Variants in CORO7 observed in about 807,000 individuals in gnomAD.
CORO7 encodes the protein coronin 7, also known as coronin-7.
Under a neutral mutation model 126.6 loss-of-function variants are expected in CORO7, and 107 were observed. That is an observed-to-expected ratio of 0.85 (90% CI 0.72 to 0.99). CORO7 has a LOEUF of 0.99. Ranked by LOEUF, CORO7 falls within the 50% of genes least tolerant of loss-of-function variation. The pLI, the probability that CORO7 is intolerant of heterozygous loss-of-function variation, is 0.00. For synonymous variants in CORO7, 603 were observed against 536.8 expected (o/e 1.12, Z -1.70); for missense variants, 1,314 against 1,255.8 (o/e 1.05, Z -0.70).
At position 4,364,804 on chromosome 16, in the gene CORO7, C is replaced by A; in HGVS notation, c.1015G>T (p.Val339Leu). ...RVLQLSDTAI[V>L]PIGYHVPRKA... ...CGGGGCACATGGTAGCCGATGGGCA[C>A]GATGGCTGTGTCGCTCAGCTGTAGG... is the stretch of plus-strand genomic sequence containing the variant. The change falls in exon 12 of 28, where the codon GTG becomes TTG. Residue 339 changes from valine to leucine, a missense_variant. Transcript: ENST00000251166. 1 of 1,611,674 alleles carries A rather than the reference C, an allele frequency of 6.2e-7. No individual in the cohort carries two copies. The highest frequency in any genetic ancestry group is 1.1e-5 in the South Asian group (1 of 90,960).
intron 10 of CORO7, among the ~76,000 whole-genome samples, 187 bp from the exon 11 acceptor site, chr16:4,365,247 C>T (rs576627655): frequency 1.2e-4 from 18 of 152,298 alleles, no homozygotes; most frequent in East Asian, 9.6e-4. Flanking sequence ...TGCTCAGCCT[C>T]GTTGCACATG....
Position 4,355,050 on chromosome 16 carries a change from G to T in CORO7, c.*108C>A. The T allele has an allele frequency of 7.8e-7, 1 of 1,275,540 alleles. No homozygotes were observed. The highest frequency in any genetic ancestry group is 1.1e-6 in the Non-Finnish European group (1 of 950,146). 79.0% of individuals were successfully genotyped at this position (1,275,540 alleles called of 1,614,324 possible). ...GCCCACGGGAAGGCAGGAGTGCAGG[G>T]GTGACATGTGCCGGGGCCAGAGAGG... On this transcript the variant is annotated 3_prime_UTR_variant, in exon 28 of 28. Transcript: ENST00000251166.
rs765814639 is a variant in CORO7, at chr16:4,360,286, GC to G, written c.2099del (p.Gly700AlafsTer48). ...VCDGRCLLVS[G>X]FDSQSERQLL... ...GATGCCTGAGTCCTCACCTGTCAAA[GC>G]CAGACACCAGCAGACAGCGACCATC... On this transcript the variant is annotated frameshift_variant, in exon 21 of 28. Coordinates refer to ENST00000251166, the MANE Select transcript of CORO7 (RefSeq NM_024535.5). LOFTEE classifies it high-confidence loss of function. 2 of 1,613,596 alleles carry G rather than the reference GC, an allele frequency of 1.2e-6. No individual in the cohort carries two copies. The highest frequency in any genetic ancestry group is 2.2e-5 in the South Asian group (2 of 91,084).
At chr16:4,376,287 G>A (rs1247205672) in intron 9 of CORO7, among the ~76,000 whole-genome samples, 2 of 152,216 alleles carry the variant, frequency 1.3e-5, no homozygotes, top group Admixed American at 6.5e-5. Context: ...GGAGCCAGCC[G>A]TCCTGGCCGC....
At chr16:4,386,329 C>G (rs924084023) in intron 9 of CORO7, among the ~76,000 whole-genome samples, 1 of 152,352 alleles carries the variant, frequency 6.6e-6, no homozygotes, top group East Asian at 1.9e-4. Flanking sequence ...CACACTGGGG[C>G]CGGGCAGGAG....
intron 6 of CORO7, among the ~76,000 whole-genome samples, chr16:4,395,889 G>A (rs192277578): frequency 5.3e-4 from 81 of 152,296 alleles, no homozygotes; most frequent in African/African-American, 1.9e-3. Context: ...ATTATCCAAA[G>A]GGAGGATGGA....
chr16:4,369,021 C>T (rs564963699), intron 9 of CORO7, among the ~76,000 whole-genome samples: 26 of 152,336 alleles, frequency 1.7e-4, no homozygotes, highest in East Asian at 1.2e-3. Flanking sequence ...CTCACCTGTG[C>T]GCTGAGCCAA....
At chr16:4,413,071 CCATGCT>C in intron 2 of CORO7, 1 of 445,070 alleles carries the variant, frequency 2.2e-6, no homozygotes, top group South Asian at 4.3e-5. Flanking sequence ...GCCCTCCTGG[CCATGCT>C]CTTGCCTGTG....
chr16:4,358,421 C>T lies in CORO7; in HGVS notation c.2403G>A (p.Leu801=), dbSNP rs758218268. The part of the protein sequence containing the change: ...DVREVELMRC[L]RLRQSSLEPV... ...GCTCCAGGGAGGACTGACGCAGCCGCAGGCACCGCATCAGCTCCACTTCCC... is the reference window on the plus strand; with the variant it reads ...GCTCCAGGGAGGACTGACGCAGCCGTAGGCACCGCATCAGCTCCACTTCCC... Residue 801 remains leucine, a synonymous_variant, in exon 24 of 28, where the codon CTG becomes CTA. Transcript: ENST00000251166. 71 of 1,612,464 alleles carry T rather than the reference C, an allele frequency of 4.4e-5. No homozygotes were observed. Among genetic ancestry groups the T allele is most frequent in the Non-Finnish European group, 5.7e-5 (67 of 1,179,674 alleles).
At chr16:4,415,638 C>G in intron 1 of CORO7, 2 of 897,960 alleles carry the variant, frequency 2.2e-6, no homozygotes, top group African/African-American at 1.8e-5. Context: ...ACTGCCCTGA[C>G]TTGCTCTGGG....
chr16:4,358,234 C>T (rs539879584), intron 24 of CORO7, 131 bp from the exon 25 acceptor site: 1 of 1,532,106 alleles, frequency 6.5e-7, no homozygotes, highest in Admixed American at 2.0e-5. Context: ...GTTTCAGCAT[C>T]TCAGCAGAAG....
Position 4,362,571 on chromosome 16 carries a change from G to A in CORO7, c.1402+41C>T. 1 of 1,511,078 alleles carries A rather than the reference G, an allele frequency of 6.6e-7. No homozygotes were observed. The highest frequency in any genetic ancestry group is 1.3e-5 in the South Asian group (1 of 75,128). The allele number at this position is 1,511,078 out of a possible 1,614,324, so 93.6% of individuals were successfully genotyped here. On this transcript the variant is annotated intron_variant, in intron 15 of 27. Coordinates refer to ENST00000251166, the MANE Select transcript of CORO7 (RefSeq NM_024535.5). The surrounding 1 kb of genome is among the most constrained non-coding windows in gnomAD (Gnocchi z 5.3). ...GATGACGGGGAGTGGGGCAGACAGG[G>A]CTCCTGCGGTAGGGGTGAGCTCCCC... is the stretch of plus-strand genomic sequence containing the variant.
rs1477181685 is a variant in CORO7, at chr16:4,355,143, T to C, written c.*15A>G. ...AGTGGCAGCACAGGTGAGGTGGAGGTGACGGGGGCGCAGGCTAGTCCTGGG... is the reference window on the plus strand; with the variant it reads ...AGTGGCAGCACAGGTGAGGTGGAGGCGACGGGGGCGCAGGCTAGTCCTGGG... On this transcript the variant is annotated 3_prime_UTR_variant, in exon 28 of 28. Transcript: ENST00000251166. The C allele has an allele frequency of 6.7e-7, 1 of 1,498,350 alleles. No individual in the cohort carries two copies. The highest frequency in any genetic ancestry group is 1.4e-5 in the African/African-American group (1 of 72,028). 92.8% of individuals were successfully genotyped at this position (1,498,350 alleles called of 1,614,324 possible).
At chr16:4,377,116 T>A (rs944761766) in intron 9 of CORO7, among the ~76,000 whole-genome samples, 5 of 152,050 alleles carry the variant, frequency 3.3e-5, no homozygotes, top group African/African-American at 1.2e-4. Flanking sequence ...CCTATGCCAG[T>A]TACTGTGCCA....
At chr16:4,401,177 A>T (rs1353985882) in intron 6 of CORO7, among the ~76,000 whole-genome samples, 4 of 152,224 alleles carry the variant, frequency 2.6e-5, no homozygotes, top group African/African-American at 9.6e-5. Flanking sequence ...GGAAGGACAA[A>T]CAGAGCTTGT....
chr16:4,381,367 C>G lies in CORO7; in HGVS notation c.785+6619G>C, dbSNP rs1414339390. The G allele has an allele frequency of 3.1e-6, 5 of 1,593,242 alleles. No homozygotes were observed. In the South Asian group the frequency reaches 5.6e-5, roughly 18 times the overall value. The stretch of plus-strand genomic sequence containing the variant: ...GCAGGACAACGAGCTGCGGGCACTG[C>G]CCCCGCTGCGCCTGCCCCGCCTGCT... On this transcript the variant is annotated intron_variant, in intron 9 of 27. Coordinates refer to ENST00000251166, the MANE Select transcript of CORO7 (RefSeq NM_024535.5).
chr16:4,404,447 C>A (rs2055922614), intron 6 of CORO7, among the ~76,000 whole-genome samples: 1 of 152,200 alleles, frequency 6.6e-6, no homozygotes, highest in Non-Finnish European at 1.5e-5. Context: ...CTCATCCCCT[C>A]CTGGGGGCAG....
intron 7 of CORO7, among the ~76,000 whole-genome samples, chr16:4,389,656 G>A (rs1388864617): frequency 6.6e-6 from 1 of 152,160 alleles, no homozygotes; most frequent in African/African-American, 2.4e-5. Flanking sequence ...AGGAAGTTGG[G>A]GCTGGAGCCT....
At chr16:4,402,527 G>A (rs2055848751) in intron 6 of CORO7, among the ~76,000 whole-genome samples, 1 of 152,206 alleles carries the variant, frequency 6.6e-6, no homozygotes, top group Admixed American at 6.5e-5. Flanking sequence ...GATGACAGGC[G>A]TGAGCCAGCG....
Sources: gnomAD v4.1 joint callset for allele counts (sites outside exome capture counted in the v4.1 genomes callset) on GRCh38, gnomAD v4.1.1 for gene constraint, Gnocchi (gnomAD v3.1) non-coding constraint, MANE v1.5 for transcripts, NCBI Gene and HGNC (gene_info 2026-07-23, HGNC 2026-07-21) for gene names.